The following DOCK1 variants were observed in gnomAD, a reference collection of about 807,000 sequenced individuals.
The protein encoded by DOCK1 is dedicator of cytokinesis protein 1.
A neutral mutation model predicts 262.7 loss-of-function variants in DOCK1; 138 were observed. The observed-to-expected ratio is 0.53, with a 90% confidence interval of 0.46 to 0.61. The LOEUF is 0.61. Ranked by LOEUF, DOCK1 falls within the 20% of genes least tolerant of loss-of-function variation. The pLI is 0.00. For synonymous variants in DOCK1, 866 were observed against 867.4 expected, an observed-to-expected ratio of 1.00 and a Z score of 0.03; for missense variants, 1,908 against 2,370.7, an observed-to-expected ratio of 0.80 and a Z score of 4.05.
At chr10:127,271,663 G>A (rs982822004) in intron 29 of DOCK1, among the ~76,000 whole-genome samples, 7 of 152,124 alleles carry the variant, frequency 4.6e-5, no homozygotes, top group African/African-American at 1.7e-4. Context: ...CATTTCAGTG[G>A]CTGCACTGTA....
intron 1 of DOCK1, among the ~76,000 whole-genome samples, chr10:126,914,212 T>C (rs536198259): frequency 1.3e-5 from 2 of 152,242 alleles, no homozygotes; most frequent in East Asian, 1.9e-4. Flanking sequence ...GTAGTTCTTA[T>C]TGATTGCTGG....
chr10:127,444,360 C>A, intron 50 of DOCK1, 81 bp downstream of exon 50: 1 of 1,455,928 alleles, frequency 6.9e-7, no homozygotes, highest in African/African-American at 1.4e-5. Context: ...GTTAGAAGCG[C>A]TTCCTCCCTC....
At chr10:127,042,797 C>G in intron 20 of DOCK1, 83 bp downstream of exon 20, 3 of 1,407,338 alleles carry the variant, frequency 2.1e-6, no homozygotes, top group Non-Finnish European at 3.0e-6. Context: ...TCGGGGGCTT[C>G]GTCACAGTGA....
At chr10:127,342,964 G>C (rs142595892) in intron 30 of DOCK1, among the ~76,000 whole-genome samples, 1 of 152,100 alleles carries the variant, frequency 6.6e-6, no homozygotes, top group South Asian at 2.1e-4. Context: ...GTTAACATTG[G>C]CCAGGCATGG....
chr10:126,944,608 A>G (rs2035256941), intron 1 of DOCK1, among the ~76,000 whole-genome samples: 2 of 152,070 alleles, frequency 1.3e-5, no homozygotes, highest in African/African-American at 4.8e-5. Context: ...CCCAGGGAGG[A>G]CACCAAGCCT....
chr10:127,378,808 G>T (rs141287972), intron 35 of DOCK1, among the ~76,000 whole-genome samples: 1 of 152,366 alleles, frequency 6.6e-6, no homozygotes, highest in East Asian at 1.9e-4. Context: ...GCGACAGTGA[G>T]TTGTCAGCTG....
chr10:127,015,473 C>A lies in DOCK1; in HGVS notation c.1201+3099C>A, dbSNP rs2041802028. Among the ~76,000 whole-genome samples, 3 of 152,198 alleles carry A rather than the reference C, an allele frequency of 2.0e-5. No individual in the cohort carries two copies. In the South Asian group the frequency reaches 6.2e-4, roughly 32 times the overall value. ...CCCCTTGTGAGCTCTCAAAGTGGGC[C>A]TTTCTCCTGCCTCTTCGGGGCTCTT... is the stretch of plus-strand genomic sequence containing the variant. On this transcript the variant is annotated intron_variant, in intron 12 of 51. Transcript: ENST00000623213.
chr10:127,146,670 C>A (rs186529680), intron 27 of DOCK1, among the ~76,000 whole-genome samples: 14 of 152,280 alleles, frequency 9.2e-5, no homozygotes, highest in Admixed American at 8.5e-4. Context: ...AGGCAAAAGG[C>A]GAATTTCCCC....
rs148357002 is a variant in DOCK1, at chr10:127,307,670, G to A, written c.3045-31336G>A. Among the ~76,000 whole-genome samples, 478 of 152,256 alleles carry A rather than the reference G, an allele frequency of 3.1e-3. 1 individual carries two copies. Among genetic ancestry groups the A allele is most frequent in the African/African-American group, 0.011 (454 of 41,556 alleles). ...GCCTGGCTTCGCCTCATGAAACCCC[G>A]AGTACTGTTTGACTCCCTGCCATAG... On this transcript the variant is annotated intron_variant, in intron 29 of 51. Coordinates refer to ENST00000623213, the MANE Select transcript of DOCK1 (RefSeq NM_001290223.2).
chr10:127,087,915 C>T (rs1173221269), intron 23 of DOCK1, among the ~76,000 whole-genome samples: 2 of 152,168 alleles, frequency 1.3e-5, no homozygotes, highest in African/African-American at 2.4e-5. Flanking sequence ...CTTACAAGCT[C>T]CACAGCTGAA....
intron 29 of DOCK1, among the ~76,000 whole-genome samples, chr10:127,324,723 A>G (rs2062684314): frequency 6.6e-6 from 1 of 152,190 alleles, no homozygotes; most frequent in South Asian, 2.1e-4. Flanking sequence ...GTCTTAGATC[A>G]AAGTCAGCCA....
In DOCK1 at chr10:127,018,853, C is replaced by T. The variant is rs758316249; in HGVS notation, c.1327+18C>T. ...CATGCCTGGTAAGAACTGGCTTGTT[C>T]AGGGCTTCTCAGCATGGCATGGGGG... On this transcript the variant is annotated intron_variant, in intron 13 of 51. Coordinates refer to ENST00000623213, the MANE Select transcript of DOCK1 (RefSeq NM_001290223.2). 44 of 1,611,828 alleles carry T rather than the reference C, an allele frequency of 2.7e-5. No homozygotes were observed. Among genetic ancestry groups the T allele is most frequent in the Non-Finnish European group, 3.6e-5 (43 of 1,178,554 alleles).
At chr10:127,399,546 ACCTG>A (rs757278266) in intron 38 of DOCK1, among the ~76,000 whole-genome samples, 13,888 of 152,198 alleles carry the variant, frequency 0.091, 691 homozygotes, top group African/African-American at 0.13. Flanking sequence ...CCACCATGCA[ACCTG>A]AGGGTGAGTC....
chr10:127,270,694 T>C (rs1303740571), intron 29 of DOCK1, among the ~76,000 whole-genome samples: 1 of 152,166 alleles, frequency 6.6e-6, no homozygotes, highest in African/African-American at 2.4e-5. Context: ...GCCAACTTCC[T>C]TTCCAACAAG....
In DOCK1 at chr10:126,999,220, C is replaced by G. The variant is rs1591590666; in HGVS notation, c.768-134C>G. 1.8e-5 allele frequency: 12 copies of G among 659,044 alleles called. No homozygotes were observed. In the East Asian group the frequency reaches 3.2e-4, roughly 17 times the overall value. 40.8% of individuals were successfully genotyped at this position (659,044 alleles called of 1,614,324 possible). A position where few individuals can be genotyped will look rare whatever the true frequency, so the allele number is the denominator to read the frequency against. ...AATTGATGAGTAGCTGTATGTGATACTTTTGATATTTATAAACTCAATAGT... is the reference window on the plus strand; with the variant it reads ...AATTGATGAGTAGCTGTATGTGATAGTTTTGATATTTATAAACTCAATAGT... On this transcript the variant is annotated intron_variant, in intron 8 of 51. Transcript: ENST00000623213.
chr10:126,999,550 A>G, intron 9 of DOCK1, 115 bp downstream of exon 9: 1 of 788,854 alleles, frequency 1.3e-6, no homozygotes, highest in Admixed American at 2.4e-5. Context: ...ATGCCTGTAT[A>G]CAGGTTAATT....
intron 27 of DOCK1, chr10:127,195,894 T>C (rs2057098124): frequency 6.6e-6 from 1 of 152,182 alleles, no homozygotes; most frequent in Non-Finnish European, 1.5e-5. Context: ...GCCGAGTGTG[T>C]GCGCCCGAAT....
chr10:127,276,828 A>G (rs968104756), intron 29 of DOCK1, among the ~76,000 whole-genome samples: 2 of 152,266 alleles, frequency 1.3e-5, no homozygotes, highest in African/African-American at 4.8e-5. Flanking sequence ...CAGGGAATTT[A>G]GAAATCACAT....
chr10:127,190,364 GT>G (rs1208886652), intron 27 of DOCK1, among the ~76,000 whole-genome samples: 2 of 152,160 alleles, frequency 1.3e-5, no homozygotes, highest in Non-Finnish European at 2.9e-5. Flanking sequence ...TACACAAAAA[GT>G]TACAAGTGGA....
Sources: gnomAD v4.1 joint callset for allele counts (sites outside exome capture counted in the v4.1 genomes callset) on GRCh38, gnomAD v4.1.1 for gene constraint, MANE v1.5 for transcripts, NCBI Gene and HGNC (gene_info 2026-07-23, HGNC 2026-07-21) for gene names.